The following KCNH1 variants were observed in gnomAD, a reference collection of about 807,000 sequenced individuals.
The protein encoded by KCNH1 is voltage-gated delayed rectifier potassium channel KCNH1.
In KCNH1, 27 loss-of-function variants were observed where a neutral mutation model predicts 69.2. That is an observed-to-expected ratio of 0.39 (90% CI 0.29 to 0.54). The LOEUF (loss-of-function observed/expected upper bound fraction) is 0.54, where lower values mean the gene tolerates loss of function less well. Among genes scored for constraint, KCNH1 ranks in the 20% least tolerant of loss-of-function variants. KCNH1 has a pLI of 0.68. For synonymous variants in KCNH1, 456 were observed against 487.7 expected, an observed-to-expected ratio of 0.93 and a Z score of 0.86; for missense variants, 798 against 1,261.6, an observed-to-expected ratio of 0.63 and a Z score of 5.57.
intron 10 of KCNH1, among the ~76,000 whole-genome samples, chr1:210,732,231 G>C (rs1338282396): frequency 6.6e-6 from 1 of 151,764 alleles, no homozygotes; most frequent in African/African-American, 2.4e-5. Flanking sequence ...AGGCAGCCCA[G>C]TGTGGCTCCT....
At chr1:211,001,254 AATCTACTC>A (rs1490153239) in intron 6 of KCNH1, among the ~76,000 whole-genome samples, 1 of 152,242 alleles carries the variant, frequency 6.6e-6, no homozygotes, top group Admixed American at 6.5e-5. Context: ...ACATTTTTGC[AATCTACTC>A]ATCTGACAAA....
At chr1:211,075,639 C>G (rs1182621793) in intron 5 of KCNH1, among the ~76,000 whole-genome samples, 1 of 152,234 alleles carries the variant, frequency 6.6e-6, no homozygotes, top group Non-Finnish European at 1.5e-5. Flanking sequence ...AGGAACAGCT[C>G]TGGTCTGCAG....
chr1:210,734,178 G>A (rs1405249422), intron 10 of KCNH1, among the ~76,000 whole-genome samples: 3 of 152,164 alleles, frequency 2.0e-5, no homozygotes, highest in African/African-American at 7.2e-5. Context: ...GATTAAAGAT[G>A]ATTAACTCAT....
chr1:210,949,968 T>C (rs1431342747), intron 6 of KCNH1, among the ~76,000 whole-genome samples: 1 of 152,216 alleles, frequency 6.6e-6, no homozygotes, highest in Non-Finnish European at 1.5e-5. Context: ...CCTGCTTTAA[T>C]CAAACAGAGT....
intron 6 of KCNH1, among the ~76,000 whole-genome samples, chr1:210,978,029 T>C (rs1688645399): frequency 1.3e-5 from 2 of 152,050 alleles, no homozygotes; most frequent in Non-Finnish European, 2.9e-5. Flanking sequence ...ATTGGTGTTA[T>C]ACTCTCCTTT....
At chr1:210,740,314 G>A (rs753688296) in intron 10 of KCNH1, among the ~76,000 whole-genome samples, 11 of 152,184 alleles carry the variant, frequency 7.2e-5, no homozygotes, top group East Asian at 1.9e-4. Flanking sequence ...TCAACTCTCC[G>A]ATAAAGCTCT....
chr1:210,859,297 C>T, intron 7 of KCNH1: 4 of 1,549,382 alleles, frequency 2.6e-6, no homozygotes, highest in Non-Finnish European at 3.6e-6. Flanking sequence ...TTTGATTGGC[C>T]AGAGTTACTG....
At chr1:210,765,255 TG>T (rs1190690999) in intron 10 of KCNH1, among the ~76,000 whole-genome samples, 1 of 151,966 alleles carries the variant, frequency 6.6e-6, no homozygotes, top group Non-Finnish European at 1.5e-5. Flanking sequence ...GGGGTAATGG[TG>T]GCGGGTGGAA....
intron 6 of KCNH1, among the ~76,000 whole-genome samples, chr1:210,950,449 A>G (rs1202759371): frequency 7.1e-6 from 1 of 140,884 alleles, no homozygotes; most frequent in Non-Finnish European, 1.5e-5. Context: ...ATTCCCACCT[A>G]TGAGTGAGAA....
chr1:210,854,657 G>A (rs1161160104), intron 7 of KCNH1, among the ~76,000 whole-genome samples: 1 of 152,198 alleles, frequency 6.6e-6, no homozygotes, highest in Admixed American at 6.5e-5. Context: ...TCAAAGGTGT[G>A]GGCATTGTGG....
Position 210,950,096 on chromosome 1 carries a change from T to C in KCNH1, c.1033-30027A>G, listed in dbSNP as rs191392472. Among the ~76,000 whole-genome samples the C allele has an allele frequency of 2.6e-3, 400 of 152,328 alleles. 1 individual carries two copies. Among genetic ancestry groups the C allele is most frequent in the Non-Finnish European group, 4.7e-3 (322 of 68,034 alleles). Reference sequence around the variant, plus strand: ...AGTTTCTCTCCCACCTTCATTCTTCTCTGAACACCAGGTAACAGCCTCTTC... The same window carrying C: ...AGTTTCTCTCCCACCTTCATTCTTCCCTGAACACCAGGTAACAGCCTCTTC... On this transcript the variant is annotated intron_variant, in intron 6 of 10. Transcript: ENST00000271751.
chr1:210,765,898 A>G (rs1683620283), intron 10 of KCNH1, among the ~76,000 whole-genome samples: 1 of 150,904 alleles, frequency 6.6e-6, no homozygotes, highest in Admixed American at 6.6e-5. Context: ...CCTGTCTCCA[A>G]TAAAAATACA....
chr1:210,797,677 G>A lies in KCNH1; in HGVS notation c.1746C>T (p.Phe582=). ...GGAGGCAGCCATCACTGGCCAGCCG[G>A]AAGGCCGGGTGCTCCTTGAACACCT... The part of the protein sequence containing the change: ...NRKVFKEHPA[F]RLASDGCLRA... The change falls in exon 9 of 11, where the codon TTC becomes TTT. Residue 582 remains phenylalanine, a synonymous_variant. Coordinates refer to ENST00000271751, the MANE Select transcript of KCNH1 (RefSeq NM_172362.3). 6.2e-7 allele frequency: 1 copy of A among 1,614,256 alleles called. No individual in the cohort carries two copies. The highest frequency in any genetic ancestry group is 8.5e-7 in the Non-Finnish European group (1 of 1,180,046).
intron 9 of KCNH1, among the ~76,000 whole-genome samples, chr1:210,788,368 T>C (rs1413495904): frequency 6.6e-6 from 1 of 152,224 alleles, no homozygotes; most frequent in African/African-American, 2.4e-5. Context: ...TGAAACATTT[T>C]GCATGCCAGT....
intron 7 of KCNH1, chr1:210,862,293 A>C: frequency 1.2e-6 from 1 of 852,094 alleles, no homozygotes; most frequent in Non-Finnish European, 2.0e-6. Context: ...TTGCAGCATG[A>C]ACTAGGTCAA....
chr1:211,094,019 A>C (rs193018302), intron 3 of KCNH1, among the ~76,000 whole-genome samples: 142 of 152,288 alleles, frequency 9.3e-4, no homozygotes, highest in African/African-American at 3.0e-3. Flanking sequence ...ACAGGTATAA[A>C]CTACATCCCC....
intron 7 of KCNH1, among the ~76,000 whole-genome samples, chr1:210,813,435 G>C (rs1684748367): frequency 6.6e-6 from 1 of 152,178 alleles, no homozygotes; most frequent in Non-Finnish European, 1.5e-5. Flanking sequence ...GATGAGGAGG[G>C]GCTGAAGAGT....
At chr1:211,079,607 A>C (rs943718279) in intron 5 of KCNH1, among the ~76,000 whole-genome samples, 84 of 152,372 alleles carry the variant, frequency 5.5e-4, no homozygotes, top group African/African-American at 1.9e-3. Flanking sequence ...CACATCAAAA[A>C]GTTTATCCAG....
At position 210,754,531 on chromosome 1, in the gene KCNH1, A is replaced by G. The variant is rs546975702; in HGVS notation, c.2112+20817T>C. Among the ~76,000 whole-genome samples, 155 of 150,146 alleles carry G rather than the reference A, an allele frequency of 1.0e-3. 1 individual carries two copies. Among genetic ancestry groups the G allele is most frequent in the African/African-American group, 3.6e-3 (145 of 40,814 alleles). On this transcript the variant is annotated intron_variant, in intron 10 of 10. Coordinates refer to ENST00000271751, the MANE Select transcript of KCNH1 (RefSeq NM_172362.3). ...GGAGGTGTGTGGGTCACGGGGGTGG[A>G]TCCCTCATGGATTGGTGCTGTTCTT...
Sources: allele counts gnomAD v4.1 joint callset (sites outside exome capture counted in the v4.1 genomes callset), GRCh38; gene constraint gnomAD v4.1.1; transcripts MANE v1.5; gene names NCBI Gene and HGNC (gene_info 2026-07-23, HGNC 2026-07-21).